The following APP variants were observed in gnomAD, a reference collection of about 807,000 sequenced individuals.
APP encodes amyloid-beta precursor protein.
Under a neutral mutation model 101.4 loss-of-function variants are expected in APP, and 31 were observed. That is an observed-to-expected ratio of 0.31 (90% CI 0.23 to 0.41). The LOEUF is 0.41. APP is among the 10% of genes least tolerant of loss of function. The pLI, the probability that APP is intolerant of heterozygous loss-of-function variation, is 1.00. For synonymous variants in APP, 366 were observed against 364.4 expected (o/e 1.00, Z -0.05); for missense variants, 839 against 1,003.7 (o/e 0.84, Z 2.22).
intron 1 of APP, among the ~76,000 whole-genome samples, chr21:26,160,687 A>G (rs2063471319): frequency 6.6e-6 from 1 of 152,208 alleles, no homozygotes; most frequent in Non-Finnish European, 1.5e-5. Flanking sequence ...AGACAATGAC[A>G]GAGAAATTTT....
At chr21:26,047,375 C>T (rs570338521) in intron 5 of APP, among the ~76,000 whole-genome samples, 84 of 152,288 alleles carry the variant, frequency 5.5e-4, no homozygotes, top group African/African-American at 1.9e-3. Flanking sequence ...AAGTCAGGTA[C>T]GTTAAACTTC....
chr21:26,093,398 C>A (rs77830735), intron 2 of APP, among the ~76,000 whole-genome samples: 1 of 152,130 alleles, frequency 6.6e-6, no homozygotes, highest in African/African-American at 2.4e-5. Flanking sequence ...CAGGAGTCAT[C>A]GGTTTTCTAT....
At chr21:26,017,124 G>A (rs941393725) in intron 6 of APP, among the ~76,000 whole-genome samples, 24 of 148,248 alleles carry the variant, frequency 1.6e-4, no homozygotes, top group Non-Finnish European at 3.1e-4. Flanking sequence ...GTGTGAACCC[G>A]GGAGGCCGAG....
intron 1 of APP, among the ~76,000 whole-genome samples, chr21:26,129,293 A>G (rs1276007472): frequency 1.3e-5 from 2 of 152,080 alleles, no homozygotes; most frequent in Non-Finnish European, 2.9e-5. Flanking sequence ...CAAGATGGTG[A>G]AACCCCGTCT....
In APP at chr21:26,095,298, C is replaced by T. The variant is rs577708683; in HGVS notation, c.226-5226G>A. Among the ~76,000 whole-genome samples, 8 of 152,264 alleles carry T rather than the reference C, an allele frequency of 5.3e-5. 1 individual carries two copies. Among genetic ancestry groups the T allele is most frequent in the East Asian group, 3.9e-4 (2 of 5,176 alleles). On this transcript the variant is annotated intron_variant, in intron 2 of 17. Coordinates refer to ENST00000346798, the MANE Select transcript of APP (RefSeq NM_000484.4). ...CCAGCCAACAATAAGTTTTAAATTGCGCACCATTCTGAGCAGTGTGATGAA... is the reference window on the plus strand; with the variant it reads ...CCAGCCAACAATAAGTTTTAAATTGTGCACCATTCTGAGCAGTGTGATGAA...
intron 2 of APP, among the ~76,000 whole-genome samples, chr21:26,101,151 G>A (rs1174210227): frequency 2.3e-5 from 3 of 130,704 alleles, no homozygotes; most frequent in East Asian, 2.6e-4. Flanking sequence ...CCAGGCTGGA[G>A]TGCAGTGGCG....
chr21:26,043,248 T>C (rs910166793), intron 5 of APP, among the ~76,000 whole-genome samples: 11 of 152,112 alleles, frequency 7.2e-5, no homozygotes, highest in East Asian at 1.9e-4. Flanking sequence ...CTTTTCTTTT[T>C]TTTTTGAGAC....
intron 3 of APP, among the ~76,000 whole-genome samples, chr21:26,068,698 C>T (rs754450768): frequency 3.3e-5 from 5 of 152,252 alleles, no homozygotes; most frequent in African/African-American, 1.2e-4. Flanking sequence ...CAATCTTCTC[C>T]AGTTTCCACC....
At chr21:26,037,947 A>G (rs2045194987) in intron 5 of APP, among the ~76,000 whole-genome samples, 1 of 152,304 alleles carries the variant, frequency 6.6e-6, no homozygotes, top group Non-Finnish European at 1.5e-5. Context: ...AAGATACAAT[A>G]TTTCTTCTAA....
intron 3 of APP, chr21:26,089,381 C>A (rs2146109242): frequency 6.6e-6 from 1 of 151,514 alleles, no homozygotes; most frequent in African/African-American, 2.4e-5. Flanking sequence ...TGTGACAAAA[C>A]AAACATTAAA....
At chr21:25,890,722 C>CCAAAA (rs370811580) in intron 17 of APP, among the ~76,000 whole-genome samples, 1,167 of 114,696 alleles carry the variant, frequency 0.01, 27 homozygotes, top group African/African-American at 0.037. Context: ...GAGACTGTCT[C>CCAAAA]AAAAAAAAAA....
intron 1 of APP, among the ~76,000 whole-genome samples, chr21:26,147,326 T>G (rs938328577): frequency 1.3e-5 from 2 of 152,202 alleles, no homozygotes; most frequent in Non-Finnish European, 2.9e-5. Context: ...TCACTTGACA[T>G]GCTGATAGCA....
chr21:26,053,343 C>T lies in APP; in HGVS notation c.361G>A (p.Glu121Lys). ...ACGAGAAGGGCATCACTTACAAACT[C>T]ACCAACTGAAAGAAAGGAAAACCAC... ...FVIPYRCLVG[E>K]FVSDALLVPD... Residue 121 changes from glutamate to lysine, a missense_variant, in exon 4 of 18, where the codon GAG becomes AAG. Glu to Lys is a moderately conservative substitution (Grantham distance 56, BLOSUM62 1). Transcript: ENST00000346798. The T allele has an allele frequency of 1.2e-6, 2 of 1,608,184 alleles. No homozygotes were observed. Among genetic ancestry groups the T allele is most frequent in the Non-Finnish European group, 1.7e-6 (2 of 1,174,648 alleles).
At chr21:26,150,618 C>T (rs404164) in intron 1 of APP, among the ~76,000 whole-genome samples, 91,597 of 150,702 alleles carry the variant, frequency 0.61, 30,447 homozygotes, top group African/African-American at 0.89. Flanking sequence ...GATAGATAGA[C>T]AGATAGATAG....
intron 11 of APP, among the ~76,000 whole-genome samples, chr21:25,974,464 AAAAG>A (rs2042152511): frequency 6.6e-6 from 1 of 152,196 alleles, no homozygotes; most frequent in Non-Finnish European, 1.5e-5. Context: ...GTACCCTTAT[AAAAG>A]AGGGCCCAGA....
At chr21:25,976,400 C>T (rs45628935) in intron 9 of APP, among the ~76,000 whole-genome samples, 6,001 of 152,204 alleles carry the variant, frequency 0.039, 402 homozygotes, top group African/African-American at 0.14. Flanking sequence ...CTAAGTTTTA[C>T]TCTCTTATGA....
intron 1 of APP, among the ~76,000 whole-genome samples, chr21:26,127,190 G>T (rs2062702449): frequency 1.0e-5 from 1 of 99,258 alleles, no homozygotes; most frequent in African/African-American, 7.5e-5. Context: ...TAATTATCCA[G>T]CTTTCATTTA....
chr21:26,056,038 TTTTG>T (rs780668212), intron 3 of APP, among the ~76,000 whole-genome samples: 36 of 152,290 alleles, frequency 2.4e-4, no homozygotes, highest in African/African-American at 8.4e-4. Flanking sequence ...GCATTAATCT[TTTTG>T]TTTGTTTGTT....
In APP at chr21:25,923,454, T is replaced by C. The variant is rs1427245001; in HGVS notation, c.1688-11492A>G. On this transcript the variant is annotated intron_variant, in intron 13 of 17. Coordinates refer to ENST00000346798, the MANE Select transcript of APP (RefSeq NM_000484.4). ...CAGAGTGAACAGGCAACCTACAACATGGGAGAAAATTTTCGCAACCTACTC... is the reference window on the plus strand; with the variant it reads ...CAGAGTGAACAGGCAACCTACAACACGGGAGAAAATTTTCGCAACCTACTC... Among the ~76,000 whole-genome samples, 416 of 121,864 alleles carry C rather than the reference T, an allele frequency of 3.4e-3. 3 individuals carry two copies. Among genetic ancestry groups the C allele is most frequent in the African/African-American group, 0.014 (395 of 29,216 alleles). The allele number at this position is 121,864 out of a possible 152,430, so 79.9% of individuals were successfully genotyped here.
Sources: allele counts gnomAD v4.1 joint callset (sites outside exome capture counted in the v4.1 genomes callset), GRCh38; gene constraint gnomAD v4.1.1; transcripts MANE v1.5; gene names NCBI Gene and HGNC (gene_info 2026-07-23, HGNC 2026-07-21).